ULK4: variants seen among roughly 807,000 people sequenced by gnomAD.
The protein encoded by ULK4 is inactive serine/threonine-protein kinase ULK4.
A neutral mutation model predicts 160.6 loss-of-function variants in ULK4; 133 were observed. That is an observed-to-expected ratio of 0.83 (90% CI 0.72 to 0.96). The LOEUF is 0.96. ULK4 is among the 40% of genes least tolerant of loss of function. The pLI is 0.00. For missense variants in ULK4, 1,580 were observed against 1,499.5 expected (o/e 1.05, Z -0.89); for synonymous variants, 534 against 539.8 (o/e 0.99, Z 0.15).
At chr3:41,789,990 T>A in intron 20 of ULK4, 147 bp from the exon 21 acceptor site, 4 of 654,886 alleles carry the variant, frequency 6.1e-6, no homozygotes, top group Non-Finnish European at 9.0e-6. Flanking sequence ...AGTTGGCAAT[T>A]TTCAACAAAC....
chr3:41,900,452 T>C (rs1698311709), intron 13 of ULK4, among the ~76,000 whole-genome samples: 2 of 152,024 alleles, frequency 1.3e-5, no homozygotes, highest in African/African-American at 2.4e-5. Flanking sequence ...CTCCATGGCA[T>C]GTGGAAGAAG....
chr3:41,804,300 G>A (rs1193394088), intron 19 of ULK4, among the ~76,000 whole-genome samples: 2 of 152,154 alleles, frequency 1.3e-5, no homozygotes, highest in South Asian at 4.1e-4. Flanking sequence ...AGAAGTGTCT[G>A]TTCATGTCCT....
intron 35 of ULK4, among the ~76,000 whole-genome samples, chr3:41,377,438 C>T (rs1156407892): frequency 6.7e-6 from 1 of 149,984 alleles, no homozygotes; most frequent in Non-Finnish European, 1.5e-5. Flanking sequence ...GAACAGGCAA[C>T]CTACAAAATG....
intron 35 of ULK4, among the ~76,000 whole-genome samples, chr3:41,334,457 G>A (rs1047971633): frequency 2.6e-5 from 4 of 152,154 alleles, no homozygotes. Flanking sequence ...TGACTCTGGA[G>A]GATTTTTTAT....
intron 32 of ULK4, among the ~76,000 whole-genome samples, chr3:41,543,943 C>T (rs1379129396): frequency 1.3e-5 from 2 of 152,058 alleles, no homozygotes; most frequent in African/African-American, 4.8e-5. Flanking sequence ...TCCTTTAATT[C>T]TTTAGACATG....
intron 34 of ULK4, among the ~76,000 whole-genome samples, chr3:41,405,450 G>T (rs2082274041): frequency 6.6e-6 from 1 of 152,136 alleles, no homozygotes; most frequent in Non-Finnish European, 1.5e-5. Flanking sequence ...AAGTGCATGT[G>T]TCTTTTTGGA....
intron 5 of ULK4, among the ~76,000 whole-genome samples, chr3:41,929,353 G>A (rs1331022154): frequency 6.6e-6 from 1 of 152,084 alleles, no homozygotes; most frequent in African/African-American, 2.4e-5. Context: ...AAAATAATAA[G>A]AGCTATTTAT....
chr3:41,333,054 CA>C (rs11346774), intron 35 of ULK4, among the ~76,000 whole-genome samples: 24,464 of 152,166 alleles, frequency 0.16, 2,428 homozygotes, highest in African/African-American at 0.27. Context: ...GTAATTTATG[CA>C]AAGCCATGAT....
chr3:41,884,043 T>G (rs1263507942), intron 16 of ULK4, 91 bp from the exon 17 acceptor site: 1 of 888,128 alleles, frequency 1.1e-6, no homozygotes, highest in Non-Finnish European at 1.9e-6. Flanking sequence ...TGATGAGCAT[T>G]AGATATAAGA....
chr3:41,546,071 T>C (rs1376104494), intron 32 of ULK4, among the ~76,000 whole-genome samples: 6 of 152,198 alleles, frequency 3.9e-5, no homozygotes, highest in Non-Finnish European at 8.8e-5. Flanking sequence ...TTCCAACATC[T>C]GGGTAATATT....
At chr3:41,282,311 T>C (rs1266054126) in intron 35 of ULK4, among the ~76,000 whole-genome samples, 2 of 152,200 alleles carry the variant, frequency 1.3e-5, no homozygotes, top group Non-Finnish European at 2.9e-5. Flanking sequence ...TTAAAGTTTA[T>C]ATGGAACCAA....
intron 17 of ULK4, among the ~76,000 whole-genome samples, chr3:41,880,232 T>A (rs1327325489): frequency 6.6e-6 from 1 of 152,182 alleles, no homozygotes; most frequent in Admixed American, 6.6e-5. Flanking sequence ...AAATGTTTTT[T>A]AAAATTATTA....
chr3:41,925,508 G>A (rs1322901953), intron 5 of ULK4, among the ~76,000 whole-genome samples: 1 of 152,022 alleles, frequency 6.6e-6, no homozygotes, highest in Admixed American at 6.6e-5. Context: ...AGGTGCAGGA[G>A]TTTTTTTTCA....
chr3:41,416,283 A>G (rs1027312584), intron 34 of ULK4, among the ~76,000 whole-genome samples: 1 of 152,218 alleles, frequency 6.6e-6, no homozygotes. Context: ...ACATTTAAAA[A>G]TTGGAATATT....
chr3:41,784,264 A>G (rs1390991941), intron 21 of ULK4, among the ~76,000 whole-genome samples: 2 of 151,954 alleles, frequency 1.3e-5, no homozygotes, highest in East Asian at 1.9e-4. Context: ...GAGAAACCCC[A>G]TCTCTACTAA....
At chr3:41,353,268 A>G (rs1559540060) in intron 35 of ULK4, among the ~76,000 whole-genome samples, 1 of 152,152 alleles carries the variant, frequency 6.6e-6, no homozygotes, top group Non-Finnish European at 1.5e-5. Flanking sequence ...TACCTCACCA[A>G]CTACAGACCA....
chr3:41,846,365 T>A lies in ULK4; in HGVS notation c.1657-10394A>T, dbSNP rs1378609829. On this transcript the variant is annotated intron_variant, in intron 17 of 36. Coordinates refer to ENST00000301831, the MANE Select transcript of ULK4 (RefSeq NM_017886.4). ...ACCTAGGTACAATGGCAGTTGAAAA[T>A]GCCAATACTAAATGAATAAGGTAAA... Among the ~76,000 whole-genome samples the A allele has an allele frequency of 3.3e-5, 5 of 152,062 alleles. No individual in the cohort carries two copies. In the East Asian group the frequency reaches 5.8e-4, roughly 18 times the overall value.
chr3:41,304,640 A>G (rs2079868545), intron 35 of ULK4, among the ~76,000 whole-genome samples: 1 of 152,224 alleles, frequency 6.6e-6, no homozygotes, highest in African/African-American at 2.4e-5. Flanking sequence ...GCCCATAACC[A>G]ATCACCACTA....
At chr3:41,566,574 C>T (rs1053854880) in intron 31 of ULK4, among the ~76,000 whole-genome samples, 4 of 152,182 alleles carry the variant, frequency 2.6e-5, no homozygotes, top group African/African-American at 9.6e-5. Context: ...TTTATTACTG[C>T]TTTAGTGCAA....
Sources: gnomAD v4.1 joint callset for allele counts (sites outside exome capture counted in the v4.1 genomes callset) on GRCh38, gnomAD v4.1.1 for gene constraint, MANE v1.5 for transcripts, NCBI Gene and HGNC (gene_info 2026-07-23, HGNC 2026-07-21) for gene names.